Variants in STK11 observed in about 807,000 individuals in gnomAD.
STK11 encodes serine/threonine-protein kinase STK11.
A neutral mutation model predicts 47.3 loss-of-function variants in STK11; 8 were observed. That is an observed-to-expected ratio of 0.17 (90% CI 0.10 to 0.31). STK11 has a LOEUF of 0.31. STK11 is among the 10% of genes least tolerant of loss of function. The pLI, the probability that STK11 is intolerant of heterozygous loss-of-function variation, is 1.00. For synonymous variants in STK11, 330 were observed against 255.8 expected (o/e 1.29, Z -2.77); for missense variants, 475 against 605.0 (o/e 0.79, Z 2.25).
Position 1,228,215 on chromosome 19 carries a change from G to A in STK11, c.*639G>A, listed in dbSNP as rs912942792. The A allele has an allele frequency of 3.6e-5, 32 of 899,102 alleles. No individual in the cohort carries two copies. The highest frequency in any genetic ancestry group is 3.7e-5 in the Non-Finnish European group (27 of 727,516). The allele number at this position is 899,102 out of a possible 1,614,324, so 55.7% of individuals were successfully genotyped here. On this transcript the variant is annotated 3_prime_UTR_variant, in exon 10 of 10. Transcript: ENST00000326873. ...CCTGCTTTGGCGGCCCGGCCGGAGG[G>A]CAGGACCCTCACCTCTCCCCCAAGG...
intron 8 of STK11, chr19:1,225,017 T>G (rs771715322): frequency 1.0e-6 from 1 of 984,178 alleles, no homozygotes; most frequent in Non-Finnish European, 1.2e-6. Context: ...TCTGCGTGCC[T>G]CCACTTTGGC....
intron 1 of STK11, among the ~76,000 whole-genome samples, chr19:1,214,650 C>T (rs2080733732): frequency 6.6e-6 from 1 of 152,324 alleles, no homozygotes. Flanking sequence ...CCACGAGGCT[C>T]TGAGGCTGCA....
rs2145435704 is a variant in STK11 at position 1,226,431 on chromosome 19, C to A, written c.1109-23C>A. ...TGGGGTTGCGCCCCTCAGCTCAGGC[C>A]ACACTTGCCGTCTCCCTCCCAGGAC... On this transcript the variant is annotated intron_variant, in intron 8 of 9. Coordinates refer to ENST00000326873, the MANE Select transcript of STK11 (RefSeq NM_000455.5). The A allele has an allele frequency of 2.5e-6, 4 of 1,605,928 alleles. No homozygotes were observed. The South Asian group carries it at 3.3e-5, about 13-fold the overall frequency.
In STK11 at chr19:1,207,148, A is replaced by G; in HGVS notation, c.235A>G (p.Ile79Val). ...SETLCRRAVK[I>V]LKKKKLRRIP... ...GACGCTGTGCAGGAGGGCCGTCAAG[A>G]TCCTCAAGAAGAAGAAGTTGCGAAG... The change falls in exon 1 of 10, where the codon ATC becomes GTC. Residue 79 changes from isoleucine (I) to valine (V), a missense_variant. Ile to Val is a conservative substitution (Grantham distance 29). Around this residue, in one of 5 missense-constraint regions of STK11, gnomAD observed 47 missense variants for 103.7 expected, o/e 0.45. Coordinates refer to ENST00000326873, the MANE Select transcript of STK11 (RefSeq NM_000455.5). 1 of 1,612,936 alleles carries G rather than the reference A, an allele frequency of 6.2e-7. No homozygotes were observed. Among genetic ancestry groups the G allele is most frequent in the Non-Finnish European group, 8.5e-7 (1 of 1,179,480 alleles).
rs1386678110 is a variant in STK11, at chr19:1,226,582, C to T, written c.1237C>T (p.Pro413Ser). Residue 413 changes from proline (P) to serine (S), a missense_variant, in exon 9 of 10, where the codon CCT (proline) becomes TCT (serine). Transcript: ENST00000326873. Reference protein sequence around the residue: ...KSRAEGRAPNPARKACSASSK... With the variant: ...KSRAEGRAPNSARKACSASSK... The stretch of plus-strand genomic sequence containing the variant: ...CAGGGCGGAGGGCCGGGCCCCCAAC[C>T]CTGCCCGCAAGGCCTGCTCCGCCAG... 3 of 1,578,618 alleles carry T rather than the reference C, an allele frequency of 1.9e-6. No individual in the cohort carries two copies. The highest frequency in any genetic ancestry group is 1.2e-5 in the South Asian group (1 of 86,490).
chr19:1,206,673 A>G lies in STK11; in HGVS notation c.-241A>G. 1 of 556,202 alleles carries G rather than the reference A, an allele frequency of 1.8e-6. No homozygotes were observed. Among genetic ancestry groups the G allele is most frequent in the Non-Finnish European group, 3.1e-6 (1 of 323,390 alleles). The allele number at this position is 556,202 out of a possible 1,614,324, so 34.5% of individuals were successfully genotyped here. A position where few individuals can be genotyped will look rare whatever the true frequency, so the allele number is the denominator to read the frequency against. On this transcript the variant is annotated 5_prime_UTR_variant, in exon 1 of 10. Transcript: ENST00000326873. ...ACTCGCGTCTGAGCCGCCGTCCCGG[A>G]CCCCCGGTGCCCGCCGGTCCGCAGA... is the stretch of plus-strand genomic sequence containing the variant.
chr19:1,215,276 TG>T (rs532234021), intron 1 of STK11, among the ~76,000 whole-genome samples: 78 of 152,306 alleles, frequency 5.1e-4, no homozygotes, highest in Middle Eastern at 3.4e-3. Flanking sequence ...CGGGCCCTGC[TG>T]GGAATTGGTG....
chr19:1,212,300 T>TG (rs1193433300), intron 1 of STK11, among the ~76,000 whole-genome samples: 4 of 108,068 alleles, frequency 3.7e-5, no homozygotes, highest in African/African-American at 5.6e-5. Flanking sequence ...TTTTTTTTTT[T>TG]GGAGACAGGG....
At chr19:1,221,114 C>A in intron 5 of STK11, 99 bp from the exon 6 acceptor site, 1 of 1,520,920 alleles carries the variant, frequency 6.6e-7, no homozygotes, top group South Asian at 1.2e-5. Context: ...TCTGGTCCAG[C>A]AGCCACGGGA....
At chr19:1,217,131 A>G (rs1203854301) in intron 1 of STK11, among the ~76,000 whole-genome samples, 1 of 152,088 alleles carries the variant, frequency 6.6e-6, no homozygotes, top group Non-Finnish European at 1.5e-5. Context: ...CTCACAGGGT[A>G]ACAGACCTTT....
At position 1,220,513 on chromosome 19, in the gene STK11, C is replaced by T. The variant is rs565387911; in HGVS notation, c.597+8C>T. 111 of 1,598,982 alleles carry T rather than the reference C, an allele frequency of 6.9e-5. No homozygotes were observed. The highest frequency in any genetic ancestry group is 2.9e-4 in the African/African-American group (22 of 74,818). On this transcript the variant is annotated splice_region_variant and intron_variant, in intron 4 of 9. Coordinates refer to ENST00000326873, the MANE Select transcript of STK11 (RefSeq NM_000455.5). The stretch of plus-strand genomic sequence containing the variant: ...GACCTGGGCGTGGCCGAGGTAGGCA[C>T]GTGCTAGGGGGGGCCCTGGGGCGCC...
rs1332978515 is a variant in STK11 at position 1,218,404 on chromosome 19, C to T, written c.291-13C>T. 8 of 1,610,394 alleles carry T rather than the reference C, an allele frequency of 5.0e-6. No homozygotes were observed. The highest frequency in any genetic ancestry group is 4.4e-5 in the South Asian group (4 of 91,016). On this transcript the variant is annotated splice_polypyrimidine_tract_variant and intron_variant, in intron 1 of 9. Coordinates refer to ENST00000326873, the MANE Select transcript of STK11 (RefSeq NM_000455.5). ...TTGGGTCGGCTGATACACCCCTGTC[C>T]TCTCTGTCCCAGGGAAATTCAACTA...
intron 1 of STK11, among the ~76,000 whole-genome samples, chr19:1,217,298 C>G (rs762248383): frequency 6.6e-6 from 1 of 152,114 alleles, no homozygotes; most frequent in Non-Finnish European, 1.5e-5. Context: ...ACTACAGGCT[C>G]AAGTGATCCT....
chr19:1,218,593 C>T, intron 2 of STK11, 93 bp downstream of exon 2: 1 of 1,119,654 alleles, frequency 8.9e-7, no homozygotes. Flanking sequence ...CTTCCCGTCT[C>T]CTTGAAGGAG....
At chr19:1,224,225 G>A (rs1047299775) in intron 8 of STK11, 1 of 985,080 alleles carries the variant, frequency 1.0e-6, no homozygotes, top group Non-Finnish European at 1.2e-6. Flanking sequence ...CCCCCAGGAG[G>A]ATGCAGCATG....
intron 1 of STK11, among the ~76,000 whole-genome samples, chr19:1,218,126 GAGCAAGACTCTGTCTCAGAAAAAAAAA>G (rs2080756226): frequency 7.9e-5 from 12 of 151,952 alleles, no homozygotes; most frequent in Admixed American, 7.9e-4. Context: ...CCTAGGGACA[GAGCAAGACTCTGTCTCAGAAAAAAAAA>G]AAAGTGTCCT....
Position 1,221,963 on chromosome 19 carries a change from G to C in STK11, c.877G>C (p.Glu293Gln), listed in dbSNP as rs398123405. The change falls in exon 7 of 10, where the codon GAA (glutamate) becomes CAA (glutamine). Residue 293 changes from glutamate to glutamine, a missense_variant. Around this residue, in one of 5 missense-constraint regions of STK11, gnomAD observed 130 missense variants for 239.7 expected, o/e 0.54. Coordinates refer to ENST00000326873, the MANE Select transcript of STK11 (RefSeq NM_000455.5). Reference sequence around the variant, plus strand: ...CTTCTCCTCAGGGATGCTTGAGTACGAACCGGCCAAGAGGTTCTCCATCCG... The same window carrying C: ...CTTCTCCTCAGGGATGCTTGAGTACCAACCGGCCAAGAGGTTCTCCATCCG... ...SDLLKGMLEY[E>Q]PAKRFSIRQI... 6.4e-7 allele frequency: 1 copy of C among 1,563,188 alleles called. No homozygotes were observed. The highest frequency in any genetic ancestry group is 8.7e-7 in the Non-Finnish European group (1 of 1,154,626).
At chr19:1,227,463 T>A in intron 9 of STK11, 130 bp from the exon 10 acceptor site, 1 of 993,896 alleles carries the variant, frequency 1.0e-6, no homozygotes, top group Non-Finnish European at 1.2e-6. Flanking sequence ...TTCCCTGGCC[T>A]CCCCTGCTGC....
At chr19:1,223,340 G>A (rs778868060) in intron 8 of STK11, among the ~76,000 whole-genome samples, 168 bp downstream of exon 8, 2 of 152,344 alleles carry the variant, frequency 1.3e-5, no homozygotes, top group South Asian at 2.1e-4. Flanking sequence ...CCTGCGGGCC[G>A]CTGGGACATG....
Sources: gnomAD v4.1 joint callset for allele counts (sites outside exome capture counted in the v4.1 genomes callset) on GRCh38, gnomAD v4.1.1 for gene constraint, gnomAD v4.1.1 regional missense constraint, MANE v1.5 for transcripts, NCBI Gene and HGNC (gene_info 2026-07-23, HGNC 2026-07-21) for gene names.